The following CSTB variants were observed in gnomAD, a reference collection of about 807,000 sequenced individuals.
The protein encoded by CSTB is cystatin B, also known as cystatin-B.
A neutral mutation model predicts 7.6 loss-of-function variants in CSTB; 8 were observed. The ratio of observed to expected loss-of-function variants is 1.05; its 90% CI spans 0.62 to 1.89. The LOEUF is 1.89. CSTB is among the 40% of genes most tolerant of loss of function. The pLI is 0.00. For synonymous variants in CSTB, 56 were observed against 55.3 expected (o/e 1.01, Z -0.06); for missense variants, 124 against 126.4 (o/e 0.98, Z 0.09).
chr21:43,773,953 G>C lies in CSTB; in HGVS notation c.*249C>G. ...CTAAAACAAAGGAGGCAATCTGTAA[G>C]GATTTTAAAAATATATCTATTTTGA... On this transcript the variant is annotated 3_prime_UTR_variant, in exon 3 of 3. Transcript: ENST00000291568. 1.9e-6 allele frequency: 1 copy of C among 528,998 alleles called. No individual in the cohort carries two copies. Among genetic ancestry groups the C allele is most frequent in the South Asian group, 2.1e-5 (1 of 48,566 alleles). The allele number at this position is 528,998 out of a possible 1,614,324, so 32.8% of individuals were successfully genotyped here.
chr21:43,774,626 C>T (rs370404096), intron 2 of CSTB, 32 bp downstream of exon 2: 49 of 1,579,540 alleles, frequency 3.1e-5, no homozygotes, highest in East Asian at 4.5e-5. Flanking sequence ...AGCACCCGTT[C>T]GGGGCAGGCC....
intron 1 of CSTB, chr21:43,775,991 C>A: frequency 2.1e-6 from 1 of 477,204 alleles, no homozygotes; most frequent in South Asian, 3.4e-5. Context: ...TTCAGCGGAG[C>A]CCAATGTCTC....
At chr21:43,774,921 A>G in intron 1 of CSTB, 162 bp from the exon 2 acceptor site, 1 of 692,248 alleles carries the variant, frequency 1.4e-6, no homozygotes. Context: ...GCCTAATAAT[A>G]AAGTAGAAAA....
In CSTB at chr21:43,774,222, C is replaced by G; in HGVS notation, c.277G>C (p.Asp93His). 10 of 1,614,214 alleles carry G rather than the reference C, an allele frequency of 6.2e-6. No individual in the cohort carries two copies. Among genetic ancestry groups the G allele is most frequent in the Non-Finnish European group, 8.5e-6 (10 of 1,180,036 alleles). ...CAGGATCAGAAATAGGTCAGCTCAT[C>G]ATGCTTGGCTTTGTTGGTCTGGTAG... ...SNYQTNKAKHDELTYF is the reference protein window; with the variant it reads ...SNYQTNKAKHHELTYF The change falls in exon 3 of 3, where the codon GAT becomes CAT. Residue 93 changes from aspartate to histidine, a missense_variant. By Grantham distance (81) the Asp-to-His change is moderately conservative. Transcript: ENST00000291568.
At position 43,776,303 on chromosome 21, in the gene CSTB, C is replaced by T; in HGVS notation, c.-34G>A. ...CGACGGAGGGAATCTGGCGAGGGGA[C>T]TCGGCGAGGGGACGCGGCGGCTCCT... is the stretch of plus-strand genomic sequence containing the variant. On this transcript the variant is annotated 5_prime_UTR_variant, in exon 1 of 3. Coordinates refer to ENST00000291568, the MANE Select transcript of CSTB (RefSeq NM_000100.4). 6.6e-7 allele frequency: 1 copy of T among 1,511,712 alleles called. No individual in the cohort carries two copies. The highest frequency in any genetic ancestry group is 8.9e-7 in the Non-Finnish European group (1 of 1,129,130). 93.6% of individuals were successfully genotyped at this position (1,511,712 alleles called of 1,614,324 possible). A position where few individuals can be genotyped will look rare whatever the true frequency, so the allele number is the denominator to read the frequency against.
At chr21:43,774,952 G>A (rs369661165) in intron 1 of CSTB, 193 bp from the exon 2 acceptor site, 10 of 634,942 alleles carry the variant, frequency 1.6e-5, no homozygotes, top group East Asian at 2.8e-5. Context: ...AGCTGGGTAC[G>A]GTGGCTCAAG....
At chr21:43,774,865 C>T in intron 1 of CSTB, 106 bp from the exon 2 acceptor site, 2 of 808,978 alleles carry the variant, frequency 2.5e-6, no homozygotes, top group Admixed American at 1.8e-5. Context: ...GACACTGGCT[C>T]TTCACACAAT....
At chr21:43,776,075 G>T in intron 1 of CSTB, 129 bp downstream of exon 1, 1 of 823,356 alleles carries the variant, frequency 1.2e-6, no homozygotes, top group Non-Finnish European at 1.8e-6. Context: ...GGCCTCTCAC[G>T]GCCACAGCCC....
At position 43,774,804 on chromosome 21, in the gene CSTB, AT is replaced by A. The variant is rs2084002543; in HGVS notation, c.67-46del. The A allele has an allele frequency of 5.6e-6, 8 of 1,432,898 alleles. No homozygotes were observed. The East Asian group carries it at 1.8e-4, about 33-fold the overall frequency. 88.8% of individuals were successfully genotyped at this position (1,432,898 alleles called of 1,614,324 possible). ...TGAGGATGTCTCAGTGGCTTCTTGG[AT>A]TCCCTCCTGCTAGAGTAACTTGCAC... is the stretch of plus-strand genomic sequence containing the variant. On this transcript the variant is annotated intron_variant, in intron 1 of 2. Coordinates refer to ENST00000291568, the MANE Select transcript of CSTB (RefSeq NM_000100.4).
chr21:43,774,785 T>A (rs374092254), intron 1 of CSTB, 26 bp from the exon 2 acceptor site: 1 of 1,567,610 alleles, frequency 6.4e-7, no homozygotes, highest in East Asian at 2.2e-5. Context: ...AGAATGAGGA[T>A]GTCTCAGTGG....
intron 1 of CSTB, chr21:43,775,953 C>T: frequency 4.5e-6 from 2 of 440,638 alleles, no homozygotes; most frequent in Non-Finnish European, 7.9e-6. Flanking sequence ...CTGCTCCGGG[C>T]TATCAATTCC....
chr21:43,775,637 G>C, intron 1 of CSTB: 1 of 152,466 alleles, frequency 6.6e-6, no homozygotes, highest in Non-Finnish European at 1.5e-5. Flanking sequence ...TCTCTCTCAT[G>C]ATTTTTTTCC....
In CSTB at chr21:43,774,782, G is replaced by T. The variant is rs201959779; in HGVS notation, c.67-23C>A. ...CACCTAGACAGAAGGGACAGAATGA[G>T]GATGTCTCAGTGGCTTCTTGGATTC... On this transcript the variant is annotated intron_variant, in intron 1 of 2. Transcript: ENST00000291568. 2.3e-5 allele frequency: 37 copies of T among 1,578,842 alleles called. No individual in the cohort carries two copies. In the Admixed American group the frequency reaches 6.0e-4, roughly 26 times the overall value.
At chr21:43,774,784 A>ATGTCT in intron 1 of CSTB, 25 bp from the exon 2 acceptor site, 1 of 1,570,974 alleles carries the variant, frequency 6.4e-7, no homozygotes, top group South Asian at 1.1e-5. Flanking sequence ...CAGAATGAGG[A>ATGTCT]TGTCTCAGTG....
At position 43,774,432 on chromosome 21, in the gene CSTB, G is replaced by C. The variant is rs147219065; in HGVS notation, c.169-102C>G. ...GCTGAAGACAATCTTGTCTTCTCCT[G>C]CATGTGCAGGGGATGCCTCACATCC... is the stretch of plus-strand genomic sequence containing the variant. On this transcript the variant is annotated intron_variant, in intron 2 of 2. Coordinates refer to ENST00000291568, the MANE Select transcript of CSTB (RefSeq NM_000100.4). The C allele has an allele frequency of 1.5e-4, 236 of 1,565,338 alleles. 1 individual carries two copies. In the African/African-American group the frequency reaches 2.8e-3, roughly 18 times the overall value.
chr21:43,773,970 C>A lies in CSTB; in HGVS notation c.*232G>T. 1.7e-6 allele frequency: 1 copy of A among 575,964 alleles called. No individual in the cohort carries two copies. The highest frequency in any genetic ancestry group is 3.1e-6 in the Non-Finnish European group (1 of 325,536). 35.7% of individuals were successfully genotyped at this position (575,964 alleles called of 1,614,324 possible). On this transcript the variant is annotated 3_prime_UTR_variant, in exon 3 of 3. Coordinates refer to ENST00000291568, the MANE Select transcript of CSTB (RefSeq NM_000100.4). ...ATCTGTAAGGATTTTAAAAATATAT[C>A]TATTTTGAAAATATTCTGAAAGTAA...
rs1258704280 is a variant in CSTB, at chr21:43,774,083, C to A, written c.*119G>T. 1 of 1,335,292 alleles carries A rather than the reference C, an allele frequency of 7.5e-7. No homozygotes were observed. Among genetic ancestry groups the A allele is most frequent in the Non-Finnish European group, 1.1e-6 (1 of 932,962 alleles). The allele number at this position is 1,335,292 out of a possible 1,614,324, so 82.7% of individuals were successfully genotyped here. On this transcript the variant is annotated 3_prime_UTR_variant, in exon 3 of 3. Transcript: ENST00000291568. ...AAGCAGCTGCAGAATCCTGCCCCTT[C>A]CACCCCAAGGGGCACAGCCCGGAGA...
chr21:43,774,122 A>T lies in CSTB; in HGVS notation c.*80T>A. ...ACAGCCCGGAGATGAAGCTTATTTT[A>T]GGATCACAAGTGCACGCTCTGGTAG... On this transcript the variant is annotated 3_prime_UTR_variant, in exon 3 of 3. Coordinates refer to ENST00000291568, the MANE Select transcript of CSTB (RefSeq NM_000100.4). 1.3e-6 allele frequency: 2 copies of T among 1,590,938 alleles called. No homozygotes were observed. Among genetic ancestry groups the T allele is most frequent in the South Asian group, 2.2e-5 (2 of 90,300 alleles).
chr21:43,775,924 T>A, intron 1 of CSTB: 1 of 405,818 alleles, frequency 2.5e-6, no homozygotes, highest in East Asian at 4.3e-5. Context: ...TCAGAGACTG[T>A]CCATGCAGGG....
Sources: allele counts gnomAD v4.1 joint callset, GRCh38; gene constraint gnomAD v4.1.1; transcripts MANE v1.5; gene names NCBI Gene and HGNC (gene_info 2026-07-23, HGNC 2026-07-21).